Variants in CEP350 observed in about 807,000 individuals in gnomAD.
CEP350 encodes the protein centrosomal protein 350.
In CEP350, 126 loss-of-function variants were observed where a neutral mutation model predicts 331.8. That is an observed-to-expected ratio of 0.38 (90% confidence interval 0.33 to 0.44). CEP350 has a LOEUF of 0.44. Among genes scored for constraint, CEP350 ranks in the 20% least tolerant of loss-of-function variants. CEP350 has a pLI of 1.00. For missense variants in CEP350, 3,406 were observed against 3,634.6 expected (o/e 0.94, Z 1.62); for synonymous variants, 1,200 against 1,259.5 (o/e 0.95, Z 1.00).
intron 1 of CEP350, among the ~76,000 whole-genome samples, chr1:179,965,856 C>T (rs1047159636): frequency 6.6e-6 from 1 of 151,952 alleles, no homozygotes; most frequent in Admixed American, 6.6e-5. Context: ...GAACTCCTGA[C>T]CTCAGGTGAT....
chr1:180,086,822 G>A (rs920578111), intron 31 of CEP350, among the ~76,000 whole-genome samples: 6 of 152,088 alleles, frequency 3.9e-5, no homozygotes, highest in African/African-American at 9.7e-5. Flanking sequence ...TTAGGGAACC[G>A]TAGCAGTTGA....
chr1:180,108,160 A>C (rs1328692792), intron 37 of CEP350, among the ~76,000 whole-genome samples: 1 of 152,216 alleles, frequency 6.6e-6, no homozygotes, highest in Non-Finnish European at 1.5e-5. Flanking sequence ...GTGGGAACAA[A>C]GCTTTTGCCA....
intron 27 of CEP350, 85 bp from the exon 28 acceptor site, chr1:180,074,937 A>T (rs1659127993): frequency 8.6e-7 from 1 of 1,157,974 alleles, no homozygotes; most frequent in Admixed American, 2.9e-5. Context: ...CAGCTTGTTG[A>T]TAAGGTGGTG....
intron 37 of CEP350, among the ~76,000 whole-genome samples, chr1:180,102,426 G>A (rs748966387): frequency 3.9e-5 from 6 of 152,064 alleles, no homozygotes; most frequent in East Asian, 1.9e-4. Flanking sequence ...GGGAGCCACC[G>A]CACCTGGCCA....
At chr1:180,032,933 A>G (rs1382003481) in intron 15 of CEP350, among the ~76,000 whole-genome samples, 13 of 152,132 alleles carry the variant, frequency 8.5e-5, no homozygotes, top group African/African-American at 2.9e-4. Flanking sequence ...TAAAGTATCA[A>G]TAGAAAATTA....
intron 6 of CEP350, among the ~76,000 whole-genome samples, chr1:180,001,566 A>G (rs1291474392): frequency 2.0e-5 from 3 of 152,008 alleles, no homozygotes; most frequent in Non-Finnish European, 4.4e-5. Flanking sequence ...GCCAAAGAGT[A>G]GGGATAAATT....
At chr1:180,039,272 A>AAGGGAGGGAGGG (rs1338609195) in intron 17 of CEP350, among the ~76,000 whole-genome samples, 1 of 17,418 alleles carries the variant, frequency 5.7e-5, no homozygotes, top group African/African-American at 1.3e-4. Context: ...GAAAGGAAGG[A>AAGGGAGGGAGGG]AGGGAGGGAG....
chr1:180,106,545 G>A (rs1661156531), intron 37 of CEP350, among the ~76,000 whole-genome samples: 1 of 152,036 alleles, frequency 6.6e-6, no homozygotes, highest in Admixed American at 6.6e-5. Flanking sequence ...AGTGCTCAGA[G>A]TTAGCCTTAT....
At chr1:180,073,582 T>G (rs981886133) in intron 27 of CEP350, among the ~76,000 whole-genome samples, 1 of 152,226 alleles carries the variant, frequency 6.6e-6, no homozygotes, top group African/African-American at 2.4e-5. Flanking sequence ...GAAAGGCATG[T>G]TTATTCAGGA....
At chr1:180,055,789 G>A (rs763143497) in intron 25 of CEP350, among the ~76,000 whole-genome samples, 2 of 151,772 alleles carry the variant, frequency 1.3e-5, no homozygotes, top group Non-Finnish European at 2.9e-5. Context: ...CTCGCGATCC[G>A]CCATCCTCAG....
At chr1:180,041,850 C>T (rs1376496679) in intron 19 of CEP350, 48 bp downstream of exon 19, 2 of 1,542,716 alleles carry the variant, frequency 1.3e-6, no homozygotes, top group Non-Finnish European at 1.8e-6. Context: ...TTTAGTCAAT[C>T]TGAGTAACTT....
At chr1:179,969,760 A>G (rs2148586330) in intron 1 of CEP350, among the ~76,000 whole-genome samples, 1 of 152,202 alleles carries the variant, frequency 6.6e-6, no homozygotes, top group South Asian at 2.1e-4. Flanking sequence ...CAGCAAGACT[A>G]GCCTGGGCAA....
intron 1 of CEP350, among the ~76,000 whole-genome samples, chr1:179,962,336 A>G (rs991669989): frequency 4.6e-5 from 7 of 152,160 alleles, no homozygotes; most frequent in African/African-American, 1.7e-4. Flanking sequence ...ATTCATTTTT[A>G]TGGCTACGTA....
intron 14 of CEP350, among the ~76,000 whole-genome samples, chr1:180,029,860 T>C (rs567688541): frequency 1.3e-5 from 2 of 152,270 alleles, no homozygotes; most frequent in Admixed American, 1.3e-4. Flanking sequence ...GACAACTGTT[T>C]TACTTTCTCT....
chr1:180,071,146 CAAAAAA>C (rs57487170), intron 27 of CEP350, among the ~76,000 whole-genome samples: 1 of 63,246 alleles, frequency 1.6e-5, no homozygotes, highest in East Asian at 5.0e-4. Flanking sequence ...GACTCCATCT[CAAAAAA>C]AAAAAAAAAA....
chr1:180,090,880 CTTT>C, intron 33 of CEP350, 84 bp downstream of exon 33: 1 of 1,154,732 alleles, frequency 8.7e-7, no homozygotes, highest in Non-Finnish European at 1.1e-6. Context: ...ACCTCTATAG[CTTT>C]TTTATTAAAA....
In CEP350 at chr1:180,032,527, T is replaced by C. The variant is rs1656090102; in HGVS notation, c.3725+1033T>C. ...CCAAATAAGTTTCATCAATGCCCCA[T>C]ACTGCAATCTAGATTTCCCCTTCCC... On this transcript the variant is annotated intron_variant, in intron 15 of 37. Transcript: ENST00000367607. Among the ~76,000 whole-genome samples, 5 of 152,056 alleles carry C rather than the reference T, an allele frequency of 3.3e-5. No individual in the cohort carries two copies. The South Asian group carries it at 1.0e-3, about 32-fold the overall frequency.
rs116535887 is a variant in CEP350, at chr1:180,071,111, A to T, written c.5568-3911A>T. On this transcript the variant is annotated intron_variant, in intron 27 of 37. Coordinates refer to ENST00000367607, the MANE Select transcript of CEP350 (RefSeq NM_014810.5). ...TGCAGTGAGCCAAGATCATGCCATT[A>T]CACTCTAGCCTGGCGACAGAGCACG... 6.7e-3 allele frequency among the ~76,000 whole-genome samples: 927 copies of T among 137,854 alleles called. 3 individuals carry two copies. Among genetic ancestry groups the T allele is most frequent in the South Asian group, 8.4e-3 (36 of 4,272 alleles). The allele number at this position is 137,854 out of a possible 152,430, so 90.4% of individuals were successfully genotyped here.
intron 28 of CEP350, among the ~76,000 whole-genome samples, chr1:180,078,077 G>A (rs539676483): frequency 1.3e-5 from 2 of 152,046 alleles, no homozygotes; most frequent in East Asian, 3.9e-4. Context: ...AGGTTACAGT[G>A]AGCCGAGATC....
Sources: allele counts gnomAD v4.1 joint callset (sites outside exome capture counted in the v4.1 genomes callset), GRCh38; gene constraint gnomAD v4.1.1; transcripts MANE v1.5; gene names NCBI Gene and HGNC (gene_info 2026-07-23, HGNC 2026-07-21).